P3H2: variants seen among roughly 807,000 people sequenced by gnomAD.
P3H2 encodes prolyl 3-hydroxylase 2, also known as leprecan-like 1.
P3H2 carries 80 observed loss-of-function variants against 87.0 expected under a neutral mutation model. The observed-to-expected ratio is 0.92, with a 90% CI of 0.77 to 1.11. P3H2 has a LOEUF of 1.11. P3H2 is among the 50% of genes least tolerant of loss of function. The pLI, the probability that P3H2 is intolerant of heterozygous loss-of-function variation, is 0.00. For synonymous variants in P3H2, 367 were observed against 359.3 expected, an observed-to-expected ratio of 1.02 and a Z score of -0.24; for missense variants, 1,001 against 923.9, an observed-to-expected ratio of 1.08 and a Z score of -1.08.
At chr3:190,036,853 CT>C (rs959347693) in intron 1 of P3H2, among the ~76,000 whole-genome samples, 23 of 152,118 alleles carry the variant, frequency 1.5e-4, no homozygotes, top group Admixed American at 7.9e-4. Flanking sequence ...GATACTTACA[CT>C]GATTCATTTA....
chr3:190,072,115 G>A (rs536394980), intron 1 of P3H2, among the ~76,000 whole-genome samples: 2 of 151,528 alleles, frequency 1.3e-5, no homozygotes, highest in African/African-American at 4.9e-5. Context: ...TGGGATTACA[G>A]GCATGATTAC....
chr3:190,051,376 T>C (rs1725978053), intron 1 of P3H2, among the ~76,000 whole-genome samples: 1 of 152,218 alleles, frequency 6.6e-6, no homozygotes, highest in Admixed American at 6.5e-5. Flanking sequence ...TGTCATTTAA[T>C]CTTTGGTCAA....
At chr3:190,001,369 A>ACGT (rs1724212147) in intron 1 of P3H2, among the ~76,000 whole-genome samples, 1 of 152,210 alleles carries the variant, frequency 6.6e-6, no homozygotes, top group Non-Finnish European at 1.5e-5. Flanking sequence ...ACAGAGTAAA[A>ACGT]CATCAAGCGT....
intron 2 of P3H2, 95 bp from the exon 3 acceptor site, chr3:189,994,378 G>A (rs557792839): frequency 2.0e-6 from 2 of 992,740 alleles, no homozygotes; most frequent in Non-Finnish European, 3.1e-6. Flanking sequence ...GTTGACTCAG[G>A]ATCATCTAGG....
chr3:190,011,703 A>G (rs1195105274), intron 1 of P3H2, among the ~76,000 whole-genome samples: 1 of 152,236 alleles, frequency 6.6e-6, no homozygotes, highest in Non-Finnish European at 1.5e-5. Context: ...GTCTGATTAA[A>G]TTAAAAGCAA....
At chr3:190,116,775 A>T (rs1296885780) in intron 1 of P3H2, 4 of 152,222 alleles carry the variant, frequency 2.6e-5, no homozygotes, top group Non-Finnish European at 5.9e-5. Context: ...GTTATCTCTA[A>T]CAATCTTAAA....
chr3:189,980,300 C>T (rs1054579709), intron 8 of P3H2, among the ~76,000 whole-genome samples: 25 of 152,292 alleles, frequency 1.6e-4, no homozygotes, highest in African/African-American at 6.0e-4. Context: ...CGTGGTGGCT[C>T]ATGCCTGTAA....
chr3:190,028,271 G>T (rs1725145238), intron 1 of P3H2, among the ~76,000 whole-genome samples: 1 of 152,098 alleles, frequency 6.6e-6, no homozygotes, highest in Non-Finnish European at 1.5e-5. Context: ...TCTCAACTGG[G>T]GAATAATTTT....
chr3:189,983,240 T>C, intron 7 of P3H2, 100 bp from the exon 8 acceptor site: 1 of 856,212 alleles, frequency 1.2e-6, no homozygotes, highest in Non-Finnish European at 1.9e-6. Flanking sequence ...CTATATTGTG[T>C]ATTTTATTGT....
At chr3:189,959,402 C>T (rs1448691545) in intron 14 of P3H2, among the ~76,000 whole-genome samples, 2 of 104,904 alleles carry the variant, frequency 1.9e-5, no homozygotes, top group African/African-American at 7.2e-5. Flanking sequence ...CTATCCCTCC[C>T]CCCTCCCCCC....
intron 1 of P3H2, among the ~76,000 whole-genome samples, chr3:190,032,027 CA>C (rs1277159226): frequency 6.6e-6 from 1 of 152,118 alleles, no homozygotes; most frequent in Non-Finnish European, 1.5e-5. Flanking sequence ...CCTCATAATG[CA>C]AGAATGATTG....
At chr3:190,022,896 G>C (rs545962065) in intron 1 of P3H2, among the ~76,000 whole-genome samples, 6 of 151,964 alleles carry the variant, frequency 3.9e-5, no homozygotes, top group Admixed American at 6.6e-5. Context: ...GCGCGATCTC[G>C]GCTCACTGCA....
At chr3:190,080,261 A>C (rs555033204) in intron 1 of P3H2, among the ~76,000 whole-genome samples, 1 of 152,350 alleles carries the variant, frequency 6.6e-6, no homozygotes, top group African/African-American at 2.4e-5. Context: ...GGCATAGCAG[A>C]GGGCACTGAG....
At position 189,974,861 on chromosome 3, in the gene P3H2, G is replaced by A. The variant is rs147279927; in HGVS notation, c.1325-176C>T. On this transcript the variant is annotated intron_variant, in intron 8 of 14. Transcript: ENST00000319332. ...TGATAAACACAATATAGATTCAGGAGAAAGATGTCTATCGGGTTTCCTCAT... is the reference window on the plus strand; with the variant it reads ...TGATAAACACAATATAGATTCAGGAAAAAGATGTCTATCGGGTTTCCTCAT... Among the ~76,000 whole-genome samples, 92 of 152,316 alleles carry A rather than the reference G, an allele frequency of 6.0e-4. 1 individual carries two copies. The South Asian group carries it at 0.011, about 19-fold the overall frequency.
chr3:190,029,551 TTC>T (rs899364756), intron 1 of P3H2, among the ~76,000 whole-genome samples: 8 of 152,074 alleles, frequency 5.3e-5, no homozygotes, highest in African/African-American at 1.9e-4. Context: ...TTGATATAAT[TTC>T]TGACTCAAAA....
At chr3:190,098,372 G>A (rs1455332799) in intron 1 of P3H2, among the ~76,000 whole-genome samples, 4 of 151,990 alleles carry the variant, frequency 2.6e-5, no homozygotes, top group Non-Finnish European at 4.4e-5. Flanking sequence ...GGTTAATCTC[G>A]TGCTACAAAA....
intron 14 of P3H2, among the ~76,000 whole-genome samples, chr3:189,963,083 T>C (rs1722864100): frequency 6.6e-6 from 1 of 152,216 alleles, no homozygotes; most frequent in African/African-American, 2.4e-5. Context: ...GTGGTGACTA[T>C]TTGAAAGTTA....
At chr3:190,022,813 G>A (rs964453366) in intron 1 of P3H2, among the ~76,000 whole-genome samples, 6 of 151,788 alleles carry the variant, frequency 4.0e-5, no homozygotes, top group African/African-American at 1.5e-4. Context: ...CCAATACAGG[G>A]CAAAAAATAT....
intron 1 of P3H2, among the ~76,000 whole-genome samples, chr3:190,053,160 G>A (rs765371995): frequency 5.9e-4 from 89 of 152,030 alleles, no homozygotes; most frequent in Admixed American, 4.8e-3. Flanking sequence ...GTTGAGGGCC[G>A]CTTGTTTCCA....
Sources: gnomAD v4.1 joint callset for allele counts (sites outside exome capture counted in the v4.1 genomes callset) on GRCh38, gnomAD v4.1.1 for gene constraint, MANE v1.5 for transcripts, NCBI Gene and HGNC (gene_info 2026-07-23, HGNC 2026-07-21) for gene names.